Variants in NDST4 observed in about 807,000 individuals in gnomAD.
The protein encoded by NDST4 is N-heparan sulfate sulfotransferase 4.
NDST4 carries 63 observed loss-of-function variants against 100.8 expected under a neutral mutation model. The ratio of observed to expected loss-of-function variants is 0.62; its 90% confidence interval spans 0.51 to 0.77. The LOEUF (loss-of-function observed/expected upper bound fraction) is 0.77, where lower values mean the gene tolerates loss of function less well. Among genes scored for constraint, NDST4 ranks in the 30% least tolerant of loss-of-function variants. The probability of loss-of-function intolerance (pLI) is 0.00; values close to 1 mark genes in which losing one functional copy is unlikely to be tolerated. For missense variants in NDST4, 943 were observed against 1,018.4 expected (o/e 0.93, Z 1.01); for synonymous variants, 377 against 361.8 (o/e 1.04, Z -0.48).
In NDST4 at chr4:115,051,189, T is replaced by C. The variant is rs796128897; in HGVS notation, c.978+24870A>G. Among the ~76,000 whole-genome samples, 14 of 152,258 alleles carry C rather than the reference T, an allele frequency of 9.2e-5. No homozygotes were observed. The South Asian group carries it at 1.0e-3, about 11-fold the overall frequency. On this transcript the variant is annotated intron_variant, in intron 2 of 13. Transcript: ENST00000264363. ...CTATGACCTGCCTTTATGATTTTAT[T>C]CAGTTTTTAATGTATTCTCAACAGT...
At chr4:115,033,153 ATATATTT>A (rs1318249212) in intron 2 of NDST4, among the ~76,000 whole-genome samples, 774 of 75,600 alleles carry the variant, frequency 0.01, 8 homozygotes, top group African/African-American at 0.05. Flanking sequence ...ATATATATAT[ATATATTT>A]TTTTTTTTTT....
At chr4:114,901,792 C>T (rs1457370197) in intron 6 of NDST4, among the ~76,000 whole-genome samples, 1 of 150,638 alleles carries the variant, frequency 6.6e-6, no homozygotes, top group Non-Finnish European at 1.5e-5. Flanking sequence ...AGCATTTTTC[C>T]TCCCCCTTCC....
Position 115,069,005 on chromosome 4 carries a change from G to C in NDST4, c.978+7054C>G, listed in dbSNP as rs537121115. Among the ~76,000 whole-genome samples the C allele has an allele frequency of 1.1e-4, 17 of 151,898 alleles. No homozygotes were observed. The South Asian group carries it at 3.5e-3, about 32-fold the overall frequency. Reference sequence around the variant, plus strand: ...GAAAAACTGTCACCTCTTAATTTTGGAGTTGACTTATATACATAAAGATGC... The same window carrying C: ...GAAAAACTGTCACCTCTTAATTTTGCAGTTGACTTATATACATAAAGATGC... On this transcript the variant is annotated intron_variant, in intron 2 of 13. Coordinates refer to ENST00000264363, the MANE Select transcript of NDST4 (RefSeq NM_022569.3).
rs531277325 is a variant in NDST4 at position 114,982,833 on chromosome 4, G to C, written c.979-5559C>G. Among the ~76,000 whole-genome samples, 481 of 152,230 alleles carry C rather than the reference G, an allele frequency of 3.2e-3. 3 individuals are homozygous for C. The highest frequency in any genetic ancestry group is 3.9e-3 in the Non-Finnish European group (267 of 68,020). ...GCCCAGAGGCCTGAGAGAGAAAAAT[G>C]GTTTCTTGGGTCAAATTCATGGCCC... On this transcript the variant is annotated intron_variant, in intron 2 of 13. Transcript: ENST00000264363.
intron 8 of NDST4, among the ~76,000 whole-genome samples, chr4:114,852,142 T>A (rs1466512224): frequency 1.3e-5 from 2 of 152,180 alleles, no homozygotes; most frequent in Non-Finnish European, 2.9e-5. Context: ...ACTGCATTCT[T>A]ATACAGTTGT....
intron 1 of NDST4, among the ~76,000 whole-genome samples, chr4:115,085,224 G>C (rs1014781076): frequency 1.3e-5 from 2 of 152,142 alleles, no homozygotes; most frequent in African/African-American, 4.8e-5. Context: ...TCTCCCATTT[G>C]GAAGGGGTAT....
At chr4:114,966,399 C>A (rs1578418721) in intron 4 of NDST4, among the ~76,000 whole-genome samples, 1 of 151,952 alleles carries the variant, frequency 6.6e-6, no homozygotes, top group Non-Finnish European at 1.5e-5. Context: ...GATTTTTAAA[C>A]ATATTACAAG....
rs56658909 is a variant in NDST4, at chr4:115,075,784, G to GAA, written c.978+273_978+274dup. On this transcript the variant is annotated intron_variant, in intron 2 of 13. Transcript: ENST00000264363. ...GGGCGACAGAGCAAGAGTCTGTTCA[G>GAA]AAAAAAAAAAAAAAAAAAAGGCAAA... Among the ~76,000 whole-genome samples the GAA allele has an allele frequency of 1.4e-3, 124 of 87,414 alleles. 4 individuals carry two copies. The highest frequency in any genetic ancestry group is 5.3e-3 in the African/African-American group (110 of 20,678). The allele number at this position is 87,414 out of a possible 152,430, so 57.3% of individuals were successfully genotyped here.
At position 114,957,461 on chromosome 4, in the gene NDST4, G is replaced by C. The variant is rs1243066256; in HGVS notation, c.1221+12969C>G. Among the ~76,000 whole-genome samples, 3 of 152,074 alleles carry C rather than the reference G, an allele frequency of 2.0e-5. No homozygotes were observed. In the South Asian group the frequency reaches 6.2e-4, roughly 32 times the overall value. On this transcript the variant is annotated intron_variant, in intron 4 of 13. Transcript: ENST00000264363. ...TTCAATTATTCAATTACCTCCCACT[G>C]GGTTCTTCTCATAACAGGTGGGCAT...
chr4:115,028,856 T>A (rs1728046267), intron 2 of NDST4, among the ~76,000 whole-genome samples: 1 of 152,032 alleles, frequency 6.6e-6, no homozygotes, highest in Non-Finnish European at 1.5e-5. Context: ...CACATTAAAA[T>A]TAGATAACTA....
chr4:115,050,901 G>C (rs1362092866), intron 2 of NDST4, among the ~76,000 whole-genome samples: 2 of 151,984 alleles, frequency 1.3e-5, no homozygotes, highest in Non-Finnish European at 2.9e-5. Context: ...AAACATTATG[G>C]GTTTGTAGTG....
intron 6 of NDST4, among the ~76,000 whole-genome samples, chr4:114,912,590 C>A (rs566306887): frequency 8.5e-5 from 13 of 152,256 alleles, no homozygotes; most frequent in Admixed American, 5.2e-4. Flanking sequence ...ATTAAACCTT[C>A]AAAGAAAACT....
Position 115,077,038 on chromosome 4 carries a change from T to A in NDST4, c.-2A>T. 6.3e-7 allele frequency: 1 copy of A among 1,588,224 alleles called. No homozygotes were observed. Among genetic ancestry groups the A allele is most frequent in the South Asian group, 1.2e-5 (1 of 86,874 alleles). Reference sequence around the variant, plus strand: ...CCGAAGTTTCACAATAAGATTCATTTTTTAGAATAATGTTTTGGAAGCTTT... The same window carrying A: ...CCGAAGTTTCACAATAAGATTCATTATTTAGAATAATGTTTTGGAAGCTTT... On this transcript the variant is annotated 5_prime_UTR_variant, in exon 2 of 14. Transcript: ENST00000264363.
chr4:114,961,114 G>T (rs888296040), intron 4 of NDST4, among the ~76,000 whole-genome samples: 2 of 151,894 alleles, frequency 1.3e-5, no homozygotes, highest in Non-Finnish European at 2.9e-5. Flanking sequence ...CAGCCACTAG[G>T]AATAAATCAC....
chr4:115,029,419 A>C (rs1728059171), intron 2 of NDST4, among the ~76,000 whole-genome samples: 1 of 152,056 alleles, frequency 6.6e-6, no homozygotes, highest in Non-Finnish European at 1.5e-5. Context: ...TAGGGAATAG[A>C]TTTATGATTT....
At chr4:114,945,000 G>A (rs1287376691) in intron 4 of NDST4, among the ~76,000 whole-genome samples, 5 of 151,734 alleles carry the variant, frequency 3.3e-5, no homozygotes, top group African/African-American at 7.3e-5. Context: ...ATGTGAGGTC[G>A]GGAGTTCGAG....
chr4:115,086,741 G>C (rs910243543), intron 1 of NDST4, among the ~76,000 whole-genome samples: 15 of 151,966 alleles, frequency 9.9e-5, no homozygotes, highest in Admixed American at 9.2e-4. Flanking sequence ...CATTTTCTTA[G>C]TTCTTATTTT....
At chr4:114,956,567 A>G (rs533308254) in intron 4 of NDST4, among the ~76,000 whole-genome samples, 48 of 152,316 alleles carry the variant, frequency 3.2e-4, no homozygotes, top group African/African-American at 1.2e-3. Context: ...GCCTTTTGTC[A>G]AAAGCAATCA....
intron 4 of NDST4, among the ~76,000 whole-genome samples, chr4:114,962,697 G>A (rs1726290427): frequency 6.6e-6 from 1 of 152,010 alleles, no homozygotes; most frequent in South Asian, 2.1e-4. Context: ...CCATGTTCAT[G>A]TATCAGAAGA....
Sources: gnomAD v4.1 joint callset for allele counts (sites outside exome capture counted in the v4.1 genomes callset) on GRCh38, gnomAD v4.1.1 for gene constraint, MANE v1.5 for transcripts, NCBI Gene and HGNC (gene_info 2026-07-23, HGNC 2026-07-21) for gene names.